STAG1: variants seen among roughly 807,000 people sequenced by gnomAD.
STAG1 encodes cohesin subunit SA-1.
A neutral mutation model predicts 170.9 loss-of-function variants in STAG1; 26 were observed. The ratio of observed to expected loss-of-function variants is 0.15; its 90% CI spans 0.11 to 0.21. The LOEUF (loss-of-function observed/expected upper bound fraction) is 0.21, where lower values mean the gene tolerates loss of function less well. Ranked by LOEUF, STAG1 falls within the 10% of genes least tolerant of loss-of-function variation. STAG1 has a pLI of 1.00. For missense variants in STAG1, 964 were observed against 1,509.5 expected (o/e 0.64, Z 5.99); for synonymous variants, 514 against 497.7 (o/e 1.03, Z -0.44).
At chr3:136,408,690 C>T (rs2087549351) in intron 21 of STAG1, among the ~76,000 whole-genome samples, 1 of 152,056 alleles carries the variant, frequency 6.6e-6, no homozygotes, top group Admixed American at 6.6e-5. Context: ...GGACTTGGCA[C>T]TCAAATGCAT....
intron 5 of STAG1, among the ~76,000 whole-genome samples, chr3:136,550,838 T>A (rs1032459631): frequency 6.6e-6 from 1 of 152,194 alleles, no homozygotes; most frequent in Non-Finnish European, 1.5e-5. Context: ...GTCAGGTATT[T>A]TATACAATGT....
At chr3:136,409,992 C>T (rs542178363) in intron 21 of STAG1, among the ~76,000 whole-genome samples, 1 of 142,714 alleles carries the variant, frequency 7.0e-6, no homozygotes, top group East Asian at 2.1e-4. Flanking sequence ...AGGCTGAGGG[C>T]CTGGGAGGTA....
intron 13 of STAG1, among the ~76,000 whole-genome samples, chr3:136,463,859 A>G (rs1294174350): frequency 6.8e-6 from 1 of 146,356 alleles, no homozygotes; most frequent in East Asian, 2.0e-4. Flanking sequence ...ATAAATATAT[A>G]TTTATATATA....
At chr3:136,576,828 G>A (rs1303826831) in intron 4 of STAG1, among the ~76,000 whole-genome samples, 1 of 152,154 alleles carries the variant, frequency 6.6e-6, no homozygotes. Flanking sequence ...CATTTAGTAG[G>A]ACCTTGGTTA....
At chr3:136,437,755 T>C (rs2088500769) in intron 15 of STAG1, among the ~76,000 whole-genome samples, 2 of 152,184 alleles carry the variant, frequency 1.3e-5, no homozygotes, top group African/African-American at 4.8e-5. Flanking sequence ...TTATCTCTTA[T>C]CCTTTTTATA....
intron 5 of STAG1, among the ~76,000 whole-genome samples, chr3:136,551,077 A>G (rs1443308429): frequency 2.0e-5 from 3 of 152,038 alleles, no homozygotes; most frequent in African/African-American, 4.8e-5. Context: ...CTTAGAAGTC[A>G]CTATGCACAG....
At chr3:136,693,880 A>G (rs572805604) in intron 1 of STAG1, among the ~76,000 whole-genome samples, 65 of 152,166 alleles carry the variant, frequency 4.3e-4, no homozygotes, top group African/African-American at 1.3e-3. Flanking sequence ...GCCTTTGCTG[A>G]TATTTTTTTA....
chr3:136,544,769 A>AG (rs1199624325), intron 5 of STAG1, among the ~76,000 whole-genome samples: 1 of 151,690 alleles, frequency 6.6e-6, no homozygotes. Context: ...AAAAAAAAAA[A>AG]AAGTTTATAG....
intron 1 of STAG1, among the ~76,000 whole-genome samples, chr3:136,681,173 G>C (rs1011494289): frequency 6.6e-6 from 1 of 152,068 alleles, no homozygotes; most frequent in Non-Finnish European, 1.5e-5. Flanking sequence ...CACAGATATA[G>C]AACCCATGTA....
intron 1 of STAG1, among the ~76,000 whole-genome samples, chr3:136,667,435 T>C (rs180834082): frequency 1.4e-3 from 213 of 152,250 alleles, no homozygotes; most frequent in African/African-American, 4.9e-3. Flanking sequence ...GAAAATGAAA[T>C]AATGATATCA....
chr3:136,488,743 G>C (rs1290306684), intron 9 of STAG1, among the ~76,000 whole-genome samples: 2 of 152,134 alleles, frequency 1.3e-5, no homozygotes, highest in Non-Finnish European at 2.9e-5. Flanking sequence ...GGAACTAATA[G>C]TATATTCAAG....
chr3:136,559,124 C>T (rs61790761), intron 5 of STAG1, among the ~76,000 whole-genome samples: 2,095 of 144,128 alleles, frequency 0.015, 87 homozygotes, highest in African/African-American at 0.049. Context: ...CACTGAACTA[C>T]CTATCTATCT....
intron 14 of STAG1, among the ~76,000 whole-genome samples, 186 bp downstream of exon 14, chr3:136,451,847 C>A (rs569988912): frequency 1.6e-4 from 24 of 151,862 alleles, no homozygotes; most frequent in Non-Finnish European, 3.2e-4. Context: ...TTGATCCACA[C>A]CTACATATAT....
intron 32 of STAG1, among the ~76,000 whole-genome samples, chr3:136,340,188 CTTG>C (rs926712400): frequency 8.5e-5 from 13 of 152,200 alleles, no homozygotes; most frequent in Middle Eastern, 3.4e-3. Flanking sequence ...GAGTTTCGCT[CTTG>C]TTGTCCAGGC....
At chr3:136,418,017 A>C in intron 20 of STAG1, 45 bp from the exon 21 acceptor site, 1 of 1,454,954 alleles carries the variant, frequency 6.9e-7, no homozygotes, top group South Asian at 1.1e-5. Context: ...GAATGGAAGG[A>C]AATTTAAATT....
intron 6 of STAG1, among the ~76,000 whole-genome samples, 153 bp from the exon 7 acceptor site, chr3:136,521,570 C>A (rs1266638450): frequency 1.3e-5 from 2 of 151,918 alleles, no homozygotes; most frequent in Non-Finnish European, 2.9e-5. Context: ...TGCTTTATTT[C>A]TCTTTGATTT....
chr3:136,648,855 C>T (rs113927773), intron 1 of STAG1, among the ~76,000 whole-genome samples: 2 of 152,130 alleles, frequency 1.3e-5, no homozygotes, highest in Non-Finnish European at 2.9e-5. Flanking sequence ...TCTTGCTTGC[C>T]GCAATTCAAT....
intron 15 of STAG1, among the ~76,000 whole-genome samples, chr3:136,438,835 C>T (rs561776885): frequency 2.0e-5 from 3 of 151,948 alleles, no homozygotes; most frequent in Non-Finnish European, 1.5e-5. Context: ...TTATTATTTA[C>T]AGCTACTTCA....
At chr3:136,344,092 G>GCAGAGCCACA in intron 29 of STAG1, 86 bp from the exon 30 acceptor site, 2 of 1,007,008 alleles carry the variant, frequency 2.0e-6, no homozygotes, top group Non-Finnish European at 2.8e-6. Flanking sequence ...GAAGAGTGTG[G>GCAGAGCCACA]CTCTGCAGTC....
Sources: allele counts gnomAD v4.1 joint callset (sites outside exome capture counted in the v4.1 genomes callset), GRCh38; gene constraint gnomAD v4.1.1; transcripts MANE v1.5; gene names NCBI Gene and HGNC (gene_info 2026-07-23, HGNC 2026-07-21).